The following RRP15 variants were observed in gnomAD, a reference collection of about 807,000 sequenced individuals.
RRP15 encodes ribosomal RNA processing 15 homolog.
RRP15 carries 18 observed loss-of-function variants against 27.1 expected under a neutral mutation model. The ratio of observed to expected loss-of-function variants is 0.66; its 90% confidence interval spans 0.46 to 0.98. The LOEUF (loss-of-function observed/expected upper bound fraction) is 0.98. Among genes scored for constraint, RRP15 ranks in the 50% least tolerant of loss-of-function variants. The pLI, the probability that RRP15 is intolerant of heterozygous loss-of-function variation, is 0.00. For missense variants in RRP15, 359 were observed against 337.8 expected (o/e 1.06, Z -0.49); for synonymous variants, 107 against 109.4 (o/e 0.98, Z 0.14).
At chr1:218,330,520 G>C (rs1299219735) in intron 4 of RRP15, among the ~76,000 whole-genome samples, 2 of 152,068 alleles carry the variant, frequency 1.3e-5, no homozygotes, top group Non-Finnish European at 2.9e-5. Context: ...TTTACTTTGG[G>C]TTAAATGCCT....
At chr1:218,310,629 G>GA (rs1655979462) in intron 4 of RRP15, among the ~76,000 whole-genome samples, 1 of 111,840 alleles carries the variant, frequency 8.9e-6, no homozygotes, top group Non-Finnish European at 1.8e-5. Flanking sequence ...TTATTTTAAA[G>GA]AACTTTTTTA....
rs575484855 is a variant in RRP15 at position 218,333,095 on chromosome 1, C to G, written c.*2004C>G. On this transcript the variant is annotated 3_prime_UTR_variant, in exon 5 of 5. Transcript: ENST00000366932. ...ATTTGAAAAAATTTGACAAGATCTT[C>G]ACATTGAAAGTAAGGACGAGAATAT... 7.2e-5 allele frequency: 11 copies of G among 152,044 alleles called. No homozygotes were observed. Among genetic ancestry groups the G allele is most frequent in the African/African-American group, 2.7e-4 (11 of 41,478 alleles). 9.4% of individuals were successfully genotyped at this position (152,044 alleles called of 1,614,324 possible).
In RRP15 at chr1:218,295,555, T is replaced by A. The variant is rs183112411; in HGVS notation, c.140-6739T>A. On this transcript the variant is annotated intron_variant, in intron 1 of 4. Coordinates refer to ENST00000366932, the MANE Select transcript of RRP15 (RefSeq NM_016052.4). ...CTTGATAACAATTCAGGTTAGAAGGTCCTAGGAGATATCCCTTCATTTTTG... is the reference window on the plus strand; with the variant it reads ...CTTGATAACAATTCAGGTTAGAAGGACCTAGGAGATATCCCTTCATTTTTG... 2.4e-3 allele frequency among the ~76,000 whole-genome samples: 364 copies of A among 152,334 alleles called. 3 individuals are homozygous for A. The highest frequency in any genetic ancestry group is 8.4e-3 in the African/African-American group (350 of 41,588).
intron 4 of RRP15, among the ~76,000 whole-genome samples, chr1:218,314,389 G>A (rs1419432883): frequency 1.3e-5 from 2 of 151,944 alleles, no homozygotes; most frequent in Admixed American, 1.3e-4. Flanking sequence ...AGCTTTCAAA[G>A]TTGTAATTAT....
At chr1:218,313,966 G>A (rs1309147978) in intron 4 of RRP15, among the ~76,000 whole-genome samples, 5 of 147,946 alleles carry the variant, frequency 3.4e-5, no homozygotes, top group Admixed American at 6.7e-5. Flanking sequence ...TGTTGACCCC[G>A]AGTGATTTTT....
intron 3 of RRP15, among the ~76,000 whole-genome samples, chr1:218,305,850 A>T (rs1047035103): frequency 6.6e-6 from 1 of 152,146 alleles, no homozygotes. Flanking sequence ...TGTGGTGAAT[A>T]AGGGCATGAG....
intron 4 of RRP15, among the ~76,000 whole-genome samples, 160 bp downstream of exon 4, chr1:218,307,792 C>G (rs535372841): frequency 6.6e-6 from 1 of 152,234 alleles, no homozygotes; most frequent in African/African-American, 2.4e-5. Flanking sequence ...GGGCTTGCCT[C>G]TCTCCTATCT....
chr1:218,297,942 C>G (rs1162927742), intron 1 of RRP15, among the ~76,000 whole-genome samples: 1 of 152,110 alleles, frequency 6.6e-6, no homozygotes, highest in Non-Finnish European at 1.5e-5. Flanking sequence ...AACTTACTTT[C>G]TTTATGCCCA....
chr1:218,321,120 A>G (rs1315978467), intron 4 of RRP15, among the ~76,000 whole-genome samples: 1 of 152,134 alleles, frequency 6.6e-6, no homozygotes, highest in African/African-American at 2.4e-5. Flanking sequence ...CTGCCAATGT[A>G]TGTTTGCGCT....
At chr1:218,302,233 C>G in intron 1 of RRP15, 61 bp from the exon 2 acceptor site, 1 of 1,362,408 alleles carries the variant, frequency 7.3e-7, no homozygotes. Flanking sequence ...GTTCGGGGGG[C>G]CTTGGCAGCC....
In RRP15 at chr1:218,307,805, A is replaced by T. The variant is rs555208593; in HGVS notation, c.705+173A>T. ...TAGGGCTTGCCTCTCTCCTATCTGA[A>T]ATCCTGCCATTTTGCACATTTTGGA... On this transcript the variant is annotated intron_variant, in intron 4 of 4. Coordinates refer to ENST00000366932, the MANE Select transcript of RRP15 (RefSeq NM_016052.4). 8.5e-5 allele frequency among the ~76,000 whole-genome samples: 13 copies of T among 152,236 alleles called. No homozygotes were observed. In the East Asian group the frequency reaches 2.5e-3, roughly 29 times the overall value.
At chr1:218,297,746 C>A (rs1482570755) in intron 1 of RRP15, among the ~76,000 whole-genome samples, 2 of 152,052 alleles carry the variant, frequency 1.3e-5, no homozygotes, top group African/African-American at 4.8e-5. Flanking sequence ...AAAAGAAAAA[C>A]TGTAATAGAG....
intron 2 of RRP15, 186 bp downstream of exon 2, chr1:218,302,745 C>T: frequency 3.4e-6 from 3 of 884,924 alleles, no homozygotes; most frequent in East Asian, 5.5e-5. Context: ...AGCATGTTCA[C>T]TTTTTAATCA....
chr1:218,323,799 A>C (rs1021660697), intron 4 of RRP15, among the ~76,000 whole-genome samples: 1 of 152,158 alleles, frequency 6.6e-6, no homozygotes, highest in Non-Finnish European at 1.5e-5. Flanking sequence ...CGCTGCCCCC[A>C]GTGTGCGTAT....
intron 4 of RRP15, among the ~76,000 whole-genome samples, chr1:218,309,705 A>AC (rs1655961693): frequency 6.6e-6 from 1 of 151,620 alleles, no homozygotes. Context: ...AAAAAAAAAA[A>AC]AAACATATTT....
At chr1:218,286,551 T>G (rs1303460987) in intron 1 of RRP15, among the ~76,000 whole-genome samples, 1 of 152,214 alleles carries the variant, frequency 6.6e-6, no homozygotes, top group Non-Finnish European at 1.5e-5. Flanking sequence ...TTTTGACTTA[T>G]TGCCCTGCTT....
At chr1:218,290,092 A>C (rs1655610232) in intron 1 of RRP15, among the ~76,000 whole-genome samples, 1 of 152,050 alleles carries the variant, frequency 6.6e-6, no homozygotes, top group Admixed American at 6.6e-5. Context: ...TTAACCATCA[A>C]TGTTGAAGGA....
At chr1:218,323,352 GA>G (rs2102513621) in intron 4 of RRP15, among the ~76,000 whole-genome samples, 1 of 152,338 alleles carries the variant, frequency 6.6e-6, no homozygotes, top group Non-Finnish European at 1.5e-5. Context: ...TTTATTGAGC[GA>G]TAGAACAGAG....
intron 4 of RRP15, among the ~76,000 whole-genome samples, chr1:218,315,161 C>T (rs61823384): frequency 0.28 from 42,988 of 151,852 alleles, 7,500 homozygotes; most frequent in South Asian, 0.38. Flanking sequence ...AGGTAGGGTA[C>T]TCCTCTATTT....
Sources: allele counts gnomAD v4.1 joint callset (sites outside exome capture counted in the v4.1 genomes callset), GRCh38; gene constraint gnomAD v4.1.1; transcripts MANE v1.5; gene names NCBI Gene and HGNC (gene_info 2026-07-23, HGNC 2026-07-21).